The following CACNG5 variants were observed in gnomAD, a reference collection of about 807,000 sequenced individuals.
CACNG5 encodes the protein voltage-dependent calcium channel gamma-5 subunit.
CACNG5 carries 18 observed loss-of-function variants against 24.8 expected under a neutral mutation model. The observed-to-expected ratio is 0.73, with a 90% CI of 0.50 to 1.08. The LOEUF is 1.08. CACNG5 is among the 50% of genes least tolerant of loss of function. The pLI is 0.00. For synonymous variants in CACNG5, 157 were observed against 149.1 expected, an observed-to-expected ratio of 1.05 and a Z score of -0.39; for missense variants, 349 against 367.9, an observed-to-expected ratio of 0.95 and a Z score of 0.42.
At chr17:66,874,401 C>T (rs1186816383) in intron 1 of CACNG5, among the ~76,000 whole-genome samples, 4 of 152,168 alleles carry the variant, frequency 2.6e-5, no homozygotes, top group African/African-American at 9.7e-5. Flanking sequence ...GTTTATTTAG[C>T]TCTTGGTTCT....
intron 4 of CACNG5, among the ~76,000 whole-genome samples, chr17:66,884,084 A>C (rs562624050): frequency 6.6e-6 from 1 of 151,602 alleles, no homozygotes; most frequent in African/African-American, 2.4e-5. Flanking sequence ...GTGAGCCGAG[A>C]TCGCGCCATT....
At position 66,839,604 on chromosome 17, in the gene CACNG5, CG is replaced by C. The variant is rs567335610; in HGVS notation, c.-104+4355del. On this transcript the variant is annotated intron_variant, in intron 1 of 5. Transcript: ENST00000533854. Reference sequence around the variant, plus strand: ...CAGAGATGGGAAGGTGGGGAGAGAGCGAGAGGGGGAGGTCTGGGAAAGAGCT... The same window carrying C: ...CAGAGATGGGAAGGTGGGGAGAGAGCAGAGGGGGAGGTCTGGGAAAGAGCT... Among the ~76,000 whole-genome samples the C allele has an allele frequency of 1.3e-3, 198 of 148,078 alleles. 1 individual carries two copies. Among genetic ancestry groups the C allele is most frequent in the Non-Finnish European group, 8.6e-4 (58 of 67,406 alleles).
chr17:66,882,918 A>G (rs931367216), intron 4 of CACNG5, among the ~76,000 whole-genome samples: 3 of 151,364 alleles, frequency 2.0e-5, no homozygotes, highest in Admixed American at 2.0e-4. Context: ...GATGTCCAAG[A>G]GCCACTCTTT....
intron 4 of CACNG5, among the ~76,000 whole-genome samples, chr17:66,882,956 CATCCATCCATCCATCCATCA>C (rs1273307169): frequency 6.6e-6 from 1 of 151,570 alleles, no homozygotes; most frequent in Non-Finnish European, 1.5e-5. Flanking sequence ...TCCATCCATC[CATCCATCCATCCATCCATCA>C]ATCCATCCAT....
At chr17:66,851,139 T>C (rs933311532) in intron 1 of CACNG5, among the ~76,000 whole-genome samples, 1 of 152,102 alleles carries the variant, frequency 6.6e-6, no homozygotes, top group African/African-American at 2.4e-5. Context: ...GCCCAGATTC[T>C]CTAGGAAGGT....
Position 66,877,405 on chromosome 17 carries a change from G to T in CACNG5, c.73G>T (p.Gly25Cys). The T allele has an allele frequency of 1.2e-6, 2 of 1,614,084 alleles. No homozygotes were observed. Among genetic ancestry groups the T allele is most frequent in the Non-Finnish European group, 1.7e-6 (2 of 1,180,000 alleles). Residue 25 changes from glycine to cysteine, a missense_variant, in exon 2 of 6, where the codon GGT becomes TGT. Coordinates refer to ENST00000533854, the MANE Select transcript of CACNG5 (RefSeq NM_145811.3). Reference protein sequence around the residue: ...VFAVCGLGLLGIAVSTDYWLY... With the variant: ...VFAVCGLGLLCIAVSTDYWLY... ...TGCTGTCTGTGGCTTGGGCCTCCTG[G>T]GTATCGCGGTCAGCACCGACTACTG... is the stretch of plus-strand genomic sequence containing the variant.
intron 1 of CACNG5, among the ~76,000 whole-genome samples, chr17:66,860,155 T>A (rs1216517186): frequency 1.3e-5 from 2 of 152,088 alleles, no homozygotes; most frequent in African/African-American, 4.8e-5. Context: ...AGAACCAGGC[T>A]GAGAGGTGAA....
intron 1 of CACNG5, among the ~76,000 whole-genome samples, chr17:66,846,515 C>T (rs1976639527): frequency 6.6e-6 from 1 of 152,192 alleles, no homozygotes; most frequent in South Asian, 2.1e-4. Context: ...GCTTCTTTCA[C>T]TTCACATAAT....
Position 66,877,445 on chromosome 17 carries a change from A to T in CACNG5, c.113A>T (p.Glu38Val). ...VSTDYWLYLE[E>V]GVIVPQNQST... ...ACCGACTACTGGCTGTACCTGGAGG[A>T]GGGTGTGATTGTGCCCCAGAACCAG... The change falls in exon 2 of 6, where the codon GAG (glutamate) becomes GTG (valine). Residue 38 changes from glutamate (E) to valine (V), a missense_variant. By Grantham distance (121) the Glu-to-Val change is moderately radical (BLOSUM62 -2). Transcript: ENST00000533854. 1.2e-6 allele frequency: 2 copies of T among 1,613,740 alleles called. No individual in the cohort carries two copies. Among genetic ancestry groups the T allele is most frequent in the Non-Finnish European group, 8.5e-7 (1 of 1,179,934 alleles).
intron 1 of CACNG5, among the ~76,000 whole-genome samples, chr17:66,841,760 A>T (rs1258396033): frequency 6.6e-6 from 1 of 152,210 alleles, no homozygotes; most frequent in East Asian, 1.9e-4. Flanking sequence ...CATCTGTAAA[A>T]GGACGGGGTG....
intron 1 of CACNG5, among the ~76,000 whole-genome samples, chr17:66,860,575 A>G (rs1976840029): frequency 1.3e-5 from 2 of 152,160 alleles, no homozygotes; most frequent in South Asian, 2.1e-4. Context: ...AGATGGAATG[A>G]AAATACCCCA....
chr17:66,850,327 C>T (rs765555538), intron 1 of CACNG5, among the ~76,000 whole-genome samples: 5 of 152,216 alleles, frequency 3.3e-5, no homozygotes, highest in Non-Finnish European at 5.9e-5. Flanking sequence ...GTCCATTAAA[C>T]GATGGAACTG....
At position 66,894,222 on chromosome 17, in the gene CACNG5, G is replaced by A. The variant is rs971755456; in HGVS notation, c.*8982G>A. The stretch of plus-strand genomic sequence containing the variant: ...TCCCCATGCGTTGACTGCTCTCCCC[G>A]ACCTCCAAGGACTCCTTTCAATCTG... On this transcript the variant is annotated 3_prime_UTR_variant, in exon 6 of 6. Coordinates refer to ENST00000533854, the MANE Select transcript of CACNG5 (RefSeq NM_145811.3). Among the ~76,000 whole-genome samples, 2 of 152,028 alleles carry A rather than the reference G, an allele frequency of 1.3e-5. No homozygotes were observed. Among genetic ancestry groups the A allele is most frequent in the African/African-American group, 4.8e-5 (2 of 41,386 alleles).
chr17:66,862,908 G>C (rs1430614989), intron 1 of CACNG5, among the ~76,000 whole-genome samples: 1,686 of 149,294 alleles, frequency 0.011, 38 homozygotes, highest in African/African-American at 0.034. Context: ...GTGTGTGTGT[G>C]TGTGTGTGTG....
intron 3 of CACNG5, 76 bp from the exon 4 acceptor site, chr17:66,880,481 G>A: frequency 6.3e-7 from 1 of 1,580,056 alleles, no homozygotes. Context: ...ACACTGCCAG[G>A]AACACTCAAC....
intron 1 of CACNG5, among the ~76,000 whole-genome samples, chr17:66,843,958 C>T (rs1053317970): frequency 1.7e-5 from 2 of 120,846 alleles, no homozygotes; most frequent in South Asian, 2.6e-4. Flanking sequence ...GCCCTTGACT[C>T]GGGGGGAGAG....
chr17:66,855,505 C>T (rs1008139034), intron 1 of CACNG5, among the ~76,000 whole-genome samples: 3 of 152,166 alleles, frequency 2.0e-5, no homozygotes, highest in African/African-American at 7.2e-5. Flanking sequence ...ATCATTATGT[C>T]ATTAAATTAA....
intron 1 of CACNG5, among the ~76,000 whole-genome samples, chr17:66,865,161 T>G (rs1284549979): frequency 6.6e-6 from 1 of 152,252 alleles, no homozygotes; most frequent in East Asian, 1.9e-4. Flanking sequence ...ATAGATATTA[T>G]TTTTTAATGC....
chr17:66,849,912 T>C (rs1976691045), intron 1 of CACNG5, among the ~76,000 whole-genome samples: 1 of 152,160 alleles, frequency 6.6e-6, no homozygotes, highest in South Asian at 2.1e-4. Flanking sequence ...TGCGGTCAAG[T>C]GGTGAAAAGA....
Sources: allele counts gnomAD v4.1 joint callset (sites outside exome capture counted in the v4.1 genomes callset), GRCh38; gene constraint gnomAD v4.1.1; transcripts MANE v1.5; gene names NCBI Gene and HGNC (gene_info 2026-07-23, HGNC 2026-07-21).